Variants in PTPRB observed in about 807,000 individuals in gnomAD.
The protein encoded by PTPRB is receptor-type tyrosine-protein phosphatase beta.
PTPRB carries 97 observed loss-of-function variants against 238.1 expected under a neutral mutation model. The observed-to-expected ratio is 0.41, with a 90% CI of 0.35 to 0.48. The LOEUF (loss-of-function observed/expected upper bound fraction) is 0.48. Among genes scored for constraint, PTPRB ranks in the 20% least tolerant of loss-of-function variants. The pLI, the probability that PTPRB is intolerant of heterozygous loss-of-function variation, is 0.30. For synonymous variants in PTPRB, 970 were observed against 995.4 expected (o/e 0.97, Z 0.48); for missense variants, 2,292 against 2,681.9 (o/e 0.85, Z 3.21).
chr12:70,631,116 G>A (rs2136606852), intron 2 of PTPRB, among the ~76,000 whole-genome samples: 1 of 152,200 alleles, frequency 6.6e-6, no homozygotes, highest in South Asian at 2.1e-4. Flanking sequence ...AGCCCACATA[G>A]CCAAGACAAT....
Position 70,626,353 on chromosome 12 carries a change from ATC to A in PTPRB, c.452-3709_452-3708del, listed in dbSNP as rs1352305033. On this transcript the variant is annotated intron_variant, in intron 2 of 33. Transcript: ENST00000334414. The stretch of plus-strand genomic sequence containing the variant: ...TATCTATCTATCTATCTATCTATCT[ATC>A]TATCTATCTATATTCCTGCCTGCCT... 4.5e-3 allele frequency among the ~76,000 whole-genome samples: 645 copies of A among 141,944 alleles called. 2 individuals carry two copies. Among genetic ancestry groups the A allele is most frequent in the South Asian group, 9.4e-3 (42 of 4,464 alleles). 93.1% of individuals were successfully genotyped at this position (141,944 alleles called of 152,430 possible). A position where few individuals can be genotyped will look rare whatever the true frequency, so the allele number is the denominator to read the frequency against.
Position 70,569,771 on chromosome 12 carries a change from T to C in PTPRB, c.3538A>G (p.Thr1180Ala), listed in dbSNP as rs1468891831. The C allele has an allele frequency of 1.2e-6, 2 of 1,613,800 alleles. No homozygotes were observed. The highest frequency in any genetic ancestry group is 2.7e-5 in the African/African-American group (2 of 74,912). ...TCCCCGGCCTCCAGTCTGTGGAACG[T>C]GTGCTCAAAGACGTGCTTGGGAATA... ...QTIPKHVFEHTFHRLEAGEQY... is the reference protein window; with the variant it reads ...QTIPKHVFEHAFHRLEAGEQY... Residue 1180 changes from threonine (T) to alanine (A), a missense_variant, in exon 14 of 34, where the codon ACG (threonine) becomes GCG (alanine). Thr to Ala is a moderately conservative substitution (Grantham distance 58). This residue lies in a region of PTPRB where 683 missense variants were observed against 862.0 expected (regional missense o/e 0.79). Transcript: ENST00000334414.
intron 3 of PTPRB, chr12:70,609,904 G>A: frequency 1.6e-6 from 2 of 1,237,644 alleles, no homozygotes; most frequent in East Asian, 3.0e-5. Flanking sequence ...TGTTGCGCGC[G>A]CTCAGCGCGC....
At chr12:70,542,407 G>C (rs1875277220) in intron 22 of PTPRB, 1 of 151,362 alleles carries the variant, frequency 6.6e-6, no homozygotes, top group African/African-American at 2.4e-5. Flanking sequence ...GTGAAACCTT[G>C]TCTCTACTAA....
intron 10 of PTPRB, among the ~76,000 whole-genome samples, chr12:70,578,332 C>G (rs896681621): frequency 6.6e-6 from 1 of 152,106 alleles, no homozygotes; most frequent in Admixed American, 6.5e-5. Context: ...TAAGGATTAT[C>G]AAGGCCTTAC....
At chr12:70,558,500 T>C (rs1299321823) in intron 18 of PTPRB, among the ~76,000 whole-genome samples, 1 of 152,038 alleles carries the variant, frequency 6.6e-6, no homozygotes, top group East Asian at 1.9e-4. Flanking sequence ...AACACAAATA[T>C]TTGGATTAAA....
intron 7 of PTPRB, among the ~76,000 whole-genome samples, chr12:70,590,940 GTT>G (rs35496972): frequency 6.0e-4 from 62 of 102,842 alleles, no homozygotes; most frequent in African/African-American, 1.7e-3. Flanking sequence ...TTTCCTCCAA[GTT>G]TTTTTTTTTT....
intron 5 of PTPRB, among the ~76,000 whole-genome samples, chr12:70,595,299 G>T (rs1466124102): frequency 6.6e-6 from 1 of 152,082 alleles, no homozygotes; most frequent in East Asian, 1.9e-4. Context: ...GACCTGTTGG[G>T]GGGTGAGGGG....
chr12:70,556,105 G>A lies in PTPRB; in HGVS notation c.4758C>T (p.Ser1586=). Residue 1586 remains serine (S), a synonymous_variant, in exon 19 of 34, where the codon TCC becomes TCT. Transcript: ENST00000334414. ...IQNLHCRPQN[S]TAIACSWIPP... ...GGATCCAAGAACAGGCAATGGCCGT[G>A]GAGTTCTGAGGCCGGCAATGCAGGT... 1 of 1,613,780 alleles carries A rather than the reference G, an allele frequency of 6.2e-7. No homozygotes were observed. The highest frequency in any genetic ancestry group is 8.5e-7 in the Non-Finnish European group (1 of 1,179,720).
chr12:70,637,038 A>G (rs1287955768), intron 1 of PTPRB, among the ~76,000 whole-genome samples: 3 of 152,200 alleles, frequency 2.0e-5, no homozygotes, highest in Non-Finnish European at 4.4e-5. Context: ...GGGGAAAGCC[A>G]CAGACTGTTA....
chr12:70,574,983 T>C (rs984377343), intron 11 of PTPRB, among the ~76,000 whole-genome samples: 1 of 152,216 alleles, frequency 6.6e-6, no homozygotes, highest in African/African-American at 2.4e-5. Context: ...CTTTAATTTC[T>C]GGTGATTTTT....
At chr12:70,533,479 C>CAGAG (rs59430616) in intron 31 of PTPRB, among the ~76,000 whole-genome samples, 7,801 of 151,982 alleles carry the variant, frequency 0.051, 283 homozygotes, top group East Asian at 0.15. Context: ...CCAGGCTCGC[C>CAGAG]AGAGAGAGAG....
intron 14 of PTPRB, among the ~76,000 whole-genome samples, chr12:70,567,970 A>C (rs1343290840): frequency 6.6e-6 from 1 of 152,072 alleles, no homozygotes; most frequent in Non-Finnish European, 1.5e-5. Context: ...GATTACAGGC[A>C]TGAGCCACCG....
chr12:70,627,808 G>A (rs1029817525), intron 2 of PTPRB, among the ~76,000 whole-genome samples: 11 of 152,082 alleles, frequency 7.2e-5, no homozygotes, highest in Non-Finnish European at 5.9e-5. Flanking sequence ...TAAAATGACC[G>A]TGACAGCCAA....
intron 20 of PTPRB, among the ~76,000 whole-genome samples, chr12:70,554,732 G>A (rs1018437648): frequency 2.6e-5 from 4 of 152,148 alleles, no homozygotes; most frequent in African/African-American, 7.2e-5. Flanking sequence ...TGAGGCATTT[G>A]AGACAGGGAG....
intron 10 of PTPRB, among the ~76,000 whole-genome samples, chr12:70,577,511 G>A (rs1266108132): frequency 6.6e-6 from 1 of 152,106 alleles, no homozygotes; most frequent in Non-Finnish European, 1.5e-5. Context: ...ATCAGAAATA[G>A]GTGCCCATTA....
At position 70,560,815 on chromosome 12, in the gene PTPRB, T is replaced by C. The variant is rs1418946847; in HGVS notation, c.4288A>G (p.Asn1430Asp). 6.2e-7 allele frequency: 1 copy of C among 1,613,976 alleles called. No individual in the cohort carries two copies. Among genetic ancestry groups the C allele is most frequent in the South Asian group, 1.1e-5 (1 of 91,074 alleles). The change falls in exon 17 of 34, where the codon AAT becomes GAT. Residue 1430 changes from asparagine to aspartate, a missense_variant. Around this residue, in one of 4 missense-constraint regions of PTPRB, gnomAD observed 683 missense variants for 862.0 expected, o/e 0.79. Transcript: ENST00000334414. The surrounding 1 kb of genome is among the most constrained non-coding windows in gnomAD (Gnocchi z 4.2). ...DFYELILYNP[N>D]GTKKENWKDK... Reference sequence around the variant, plus strand: ...TTCCAGTTTTCCTTCTTTGTGCCATTGGGATTATAGAGAATCAGCTCATAA... The same window carrying C: ...TTCCAGTTTTCCTTCTTTGTGCCATCGGGATTATAGAGAATCAGCTCATAA...
chr12:70,581,044 C>A lies in PTPRB; in HGVS notation c.2570G>T (p.Gly857Val), dbSNP rs754130138. 6.2e-7 allele frequency: 1 copy of A among 1,613,778 alleles called. No individual in the cohort carries two copies. Among genetic ancestry groups the A allele is most frequent in the South Asian group, 1.1e-5 (1 of 91,046 alleles). The change falls in exon 10 of 34, where the codon GGA (glycine) becomes GTA (valine). Residue 857 changes from glycine (G) to valine (V), a missense_variant. Gly to Val is a moderately radical substitution (Grantham distance 109, BLOSUM62 -3). Transcript: ENST00000334414. ...ATATCTCTACTTCTTACCTGTTCTT[C>A]CCTCCACAACCACTTGTCGGGAAGA... ...GISSRQVVVE[G>V]RTVPSSVSGV... is the part of the protein sequence containing the mutation.
At chr12:70,539,094 A>C in intron 26 of PTPRB, 80 bp from the exon 27 acceptor site, 1 of 1,113,708 alleles carries the variant, frequency 9.0e-7, no homozygotes, top group East Asian at 2.5e-5. Flanking sequence ...AGATAACATA[A>C]TAACATGAAA....
Sources: gnomAD v4.1 joint callset for allele counts (sites outside exome capture counted in the v4.1 genomes callset) on GRCh38, gnomAD v4.1.1 for gene constraint, gnomAD v4.1.1 regional missense constraint, Gnocchi (gnomAD v3.1) non-coding constraint, MANE v1.5 for transcripts, NCBI Gene and HGNC (gene_info 2026-07-23, HGNC 2026-07-21) for gene names.